The following LRP1B variants were observed in gnomAD, a reference collection of about 807,000 sequenced individuals.
LRP1B encodes LDL receptor related protein 1B.
A neutral mutation model predicts 556.6 loss-of-function variants in LRP1B; 217 were observed. The observed-to-expected ratio is 0.39, with a 90% CI of 0.35 to 0.44. LRP1B has a LOEUF of 0.44. LRP1B is among the 20% of genes least tolerant of loss of function. The pLI, the probability that LRP1B is intolerant of heterozygous loss-of-function variation, is 1.00. For synonymous variants in LRP1B, 2,047 were observed against 1,865.8 expected, an observed-to-expected ratio of 1.10 and a Z score of -2.50; for missense variants, 5,053 against 5,620.8, an observed-to-expected ratio of 0.90 and a Z score of 3.23.
chr2:141,461,987 C>T (rs1287281667), intron 3 of LRP1B, among the ~76,000 whole-genome samples: 1 of 152,194 alleles, frequency 6.6e-6, no homozygotes, highest in Admixed American at 6.5e-5. Context: ...ATGTAATGTT[C>T]ATCTTATACC....
chr2:141,489,724 G>A (rs1683261739), intron 2 of LRP1B, among the ~76,000 whole-genome samples: 1 of 151,986 alleles, frequency 6.6e-6, no homozygotes. Context: ...AAACTTATAT[G>A]TAAGTGCATT....
At chr2:141,031,442 A>G (rs999833348) in intron 11 of LRP1B, among the ~76,000 whole-genome samples, 3 of 151,918 alleles carry the variant, frequency 2.0e-5, no homozygotes, top group Non-Finnish European at 4.4e-5. Context: ...TTACCTTTAA[A>G]ATGAAACAAG....
At chr2:140,485,203 T>G (rs1399723939) in intron 59 of LRP1B, 140 bp downstream of exon 59, 2 of 510,394 alleles carry the variant, frequency 3.9e-6, no homozygotes, top group Admixed American at 8.0e-5. Flanking sequence ...ACATTACTGT[T>G]TTTTTCTATT....
At chr2:140,435,989 T>G (rs13030091) in intron 66 of LRP1B, among the ~76,000 whole-genome samples, 1 of 150,158 alleles carries the variant, frequency 6.7e-6, no homozygotes, top group African/African-American at 2.4e-5. Flanking sequence ...TCTCTCTCTC[T>G]CACACACACA....
At position 141,049,008 on chromosome 2, in the gene LRP1B, C is replaced by G. The variant is rs570115097; in HGVS notation, c.1767G>C (p.Glu589Asp). ...LIGRQKIDGT[E>D]RETILKDDLD... ...TACCATCTTTCAGGATGGTTTCTCT[C>G]TCTGTGCCATCTATCTTCTGCCGGC... is the stretch of plus-strand genomic sequence containing the variant. Residue 589 changes from glutamate (E) to aspartate (D), a missense_variant, in exon 11 of 91, where the codon GAG (glutamate) becomes GAC (aspartate). Transcript: ENST00000389484. 2.2e-5 allele frequency: 36 copies of G among 1,613,170 alleles called. No homozygotes were observed. The African/African-American group carries it at 4.4e-4, about 20-fold the overall frequency.
At chr2:140,440,971 G>C (rs1318209354) in intron 66 of LRP1B, among the ~76,000 whole-genome samples, 1 of 152,054 alleles carries the variant, frequency 6.6e-6, no homozygotes, top group Non-Finnish European at 1.5e-5. Context: ...CTAGCTATGG[G>C]AATTTAGACA....
At chr2:141,368,125 G>A (rs1689109423) in intron 3 of LRP1B, among the ~76,000 whole-genome samples, 1 of 152,156 alleles carries the variant, frequency 6.6e-6, no homozygotes, top group Non-Finnish European at 1.5e-5. Flanking sequence ...TAAAATGTAA[G>A]ATTAAGATGA....
chr2:140,666,482 T>C (rs1240816804), intron 41 of LRP1B, among the ~76,000 whole-genome samples: 1 of 152,080 alleles, frequency 6.6e-6, no homozygotes, highest in Non-Finnish European at 1.5e-5. Context: ...AAGCGATCCA[T>C]ACAAACATAC....
At chr2:141,975,683 T>G (rs892943272) in intron 1 of LRP1B, among the ~76,000 whole-genome samples, 4 of 152,148 alleles carry the variant, frequency 2.6e-5, no homozygotes, top group African/African-American at 4.8e-5. Context: ...GTCTGATGCC[T>G]GCAAGTGACC....
intron 84 of LRP1B, among the ~76,000 whole-genome samples, chr2:140,285,237 A>C (rs2104974235): frequency 6.6e-6 from 1 of 151,002 alleles, no homozygotes; most frequent in East Asian, 2.0e-4. Context: ...AGGTATATGT[A>C]TCTACACATA....
At chr2:142,001,600 G>T (rs1359458458) in intron 1 of LRP1B, among the ~76,000 whole-genome samples, 1 of 152,168 alleles carries the variant, frequency 6.6e-6, no homozygotes, top group Admixed American at 6.6e-5. Flanking sequence ...AATGAATTCA[G>T]ATTCTTTCTC....
intron 20 of LRP1B, among the ~76,000 whole-genome samples, chr2:140,935,891 C>T (rs1695188363): frequency 6.6e-6 from 1 of 151,800 alleles, no homozygotes; most frequent in South Asian, 2.1e-4. Context: ...GATACACACA[C>T]ACACATATAT....
chr2:140,896,798 A>ATT (rs66552580), intron 23 of LRP1B, among the ~76,000 whole-genome samples: 20,017 of 151,388 alleles, frequency 0.13, 1,510 homozygotes, highest in Admixed American at 0.17. Context: ...TGCTATCATC[A>ATT]TTTTTTTTTC....
intron 3 of LRP1B, among the ~76,000 whole-genome samples, chr2:141,297,417 G>A (rs1573770096): frequency 1.3e-5 from 2 of 152,200 alleles, no homozygotes; most frequent in African/African-American, 4.8e-5. Flanking sequence ...TAAGAAGTAA[G>A]AGTTGAAGTG....
rs143446090 is a variant in LRP1B, at chr2:140,525,923, G to A, written c.7947C>T (p.Thr2649=). The A allele has an allele frequency of 8.7e-4, 1,399 of 1,612,360 alleles. 5 individuals carry two copies. Among genetic ancestry groups the A allele is most frequent in the Admixed American group, 2.3e-3 (135 of 59,780 alleles). The change falls in exon 49 of 91, where the codon ACC becomes ACT. Residue 2649 remains threonine (T), a synonymous_variant. Coordinates refer to ENST00000389484, the MANE Select transcript of LRP1B (RefSeq NM_018557.3). ...KTTGFIRCNS[T]SLCVLPTWIC... ...TCCAGGTTGGCAGAACACACAGTGAGGTAGAATTACATCTTATGAACCCTG... is the reference window on the plus strand; with the variant it reads ...TCCAGGTTGGCAGAACACACAGTGAAGTAGAATTACATCTTATGAACCCTG...
At chr2:141,929,015 G>T (rs1263440108) in intron 1 of LRP1B, among the ~76,000 whole-genome samples, 1 of 151,982 alleles carries the variant, frequency 6.6e-6, no homozygotes, top group Non-Finnish European at 1.5e-5. Flanking sequence ...TGCCTTAGAG[G>T]GTCTGTGGTT....
At chr2:140,379,360 G>A (rs762125857) in intron 67 of LRP1B, among the ~76,000 whole-genome samples, 15 of 152,272 alleles carry the variant, frequency 9.9e-5, no homozygotes, top group Non-Finnish European at 2.2e-4. Context: ...GTAACATCTT[G>A]ATGGTTTGGT....
At chr2:140,433,194 G>C (rs773992515) in intron 66 of LRP1B, among the ~76,000 whole-genome samples, 1 of 152,136 alleles carries the variant, frequency 6.6e-6, no homozygotes. Flanking sequence ...CGCCTCCTGG[G>C]TGCAACAATT....
intron 18 of LRP1B, among the ~76,000 whole-genome samples, chr2:140,971,567 G>T (rs1301248343): frequency 6.6e-6 from 1 of 152,198 alleles, no homozygotes; most frequent in African/African-American, 2.4e-5. Context: ...GCCAGGTGCG[G>T]TGTCTCATGC....
Sources: gnomAD v4.1 joint callset for allele counts (sites outside exome capture counted in the v4.1 genomes callset) on GRCh38, gnomAD v4.1.1 for gene constraint, MANE v1.5 for transcripts, NCBI Gene and HGNC (gene_info 2026-07-23, HGNC 2026-07-21) for gene names.